Variants in KDM5A observed in about 807,000 individuals in gnomAD.
KDM5A encodes lysine-specific demethylase 5A.
In KDM5A, 42 loss-of-function variants were observed where a neutral mutation model predicts 193.5. The ratio of observed to expected loss-of-function variants is 0.22; its 90% confidence interval spans 0.17 to 0.28. The LOEUF is 0.28. KDM5A is among the 10% of genes least tolerant of loss of function. The probability of loss-of-function intolerance (pLI) is 1.00; values close to 1 mark genes in which losing one functional copy is unlikely to be tolerated. For synonymous variants in KDM5A, 796 were observed against 718.1 expected (o/e 1.11, Z -1.73); for missense variants, 1,692 against 2,055.1 (o/e 0.82, Z 3.42).
At chr12:376,751 G>T (rs1180240598) in intron 3 of KDM5A, among the ~76,000 whole-genome samples, 1 of 152,056 alleles carries the variant, frequency 6.6e-6, no homozygotes, top group Non-Finnish European at 1.5e-5. Context: ...CATACCTAAA[G>T]AACAGTCTTC....
intron 5 of KDM5A, among the ~76,000 whole-genome samples, chr12:359,915 G>A (rs1944274826): frequency 6.6e-6 from 1 of 151,938 alleles, no homozygotes. Flanking sequence ...ATTGAATTTG[G>A]CATAACCATG....
At chr12:335,948 C>T (rs12298843) in intron 10 of KDM5A, among the ~76,000 whole-genome samples, 44,717 of 146,026 alleles carry the variant, frequency 0.31, 6,826 homozygotes, top group East Asian at 0.51. Context: ...GAGGCTGAGG[C>T]AGGAGAATCA....
intron 18 of KDM5A, among the ~76,000 whole-genome samples, chr12:320,003 G>A (rs1435026498): frequency 6.6e-6 from 1 of 152,060 alleles, no homozygotes; most frequent in East Asian, 1.9e-4. Flanking sequence ...AAGTCAAGTC[G>A]AAGAGAAAAC....
chr12:322,302 A>C, intron 17 of KDM5A, 115 bp downstream of exon 17: 1 of 867,074 alleles, frequency 1.2e-6, no homozygotes, highest in Non-Finnish European at 1.9e-6. Flanking sequence ...GAAGCAAGAG[A>C]CATGGCAACA....
chr12:362,336 G>T (rs552609166), intron 5 of KDM5A, among the ~76,000 whole-genome samples: 1 of 152,172 alleles, frequency 6.6e-6, no homozygotes, highest in African/African-American at 2.4e-5. Context: ...ACAGGGGAAG[G>T]GGGGAATCAG....
chr12:383,139 T>C (rs1944595456), intron 3 of KDM5A, among the ~76,000 whole-genome samples: 1 of 152,026 alleles, frequency 6.6e-6, no homozygotes, highest in African/African-American at 2.4e-5. Context: ...TAACACTACA[T>C]ACACGTATTA....
intron 8 of KDM5A, 131 bp downstream of exon 8, chr12:353,945 A>G (rs1944195631): frequency 1.4e-6 from 1 of 727,382 alleles, no homozygotes; most frequent in Non-Finnish European, 2.3e-6. Flanking sequence ...AAGTCCTGGA[A>G]ATTTTAAACA....
intron 3 of KDM5A, among the ~76,000 whole-genome samples, chr12:377,552 T>C (rs917178461): frequency 1.7e-4 from 26 of 151,964 alleles, no homozygotes; most frequent in African/African-American, 5.6e-4. Flanking sequence ...AACAAGACAA[T>C]GGAGTAAAGC....
chr12:325,589 C>T (rs78998485), intron 14 of KDM5A, among the ~76,000 whole-genome samples: 10 of 151,992 alleles, frequency 6.6e-5, no homozygotes, highest in African/African-American at 2.4e-4. Flanking sequence ...CGCAGAATTG[C>T]TTGAACCTGA....
In KDM5A at chr12:281,963, T is replaced by C. The variant is rs1224422950; in HGVS notation, c.*3493A>G. The C allele has an allele frequency of 7.3e-6, 2 of 272,376 alleles. No individual in the cohort carries two copies. The highest frequency in any genetic ancestry group is 1.5e-5 in the Non-Finnish European group (2 of 137,752). The allele number at this position is 272,376 out of a possible 1,614,324, so 16.9% of individuals were successfully genotyped here. A position where few individuals can be genotyped will look rare whatever the true frequency, so the allele number is the denominator to read the frequency against. ...CAGAAGCAAAGCCCAGGCAGAACCATGCTAACCTTACAGCTCAGCCTGCAC... is the reference window on the plus strand; with the variant it reads ...CAGAAGCAAAGCCCAGGCAGAACCACGCTAACCTTACAGCTCAGCCTGCAC... On this transcript the variant is annotated 3_prime_UTR_variant, in exon 28 of 28. Coordinates refer to ENST00000399788, the MANE Select transcript of KDM5A (RefSeq NM_001042603.3).
intron 26 of KDM5A, 50 bp downstream of exon 26, chr12:295,523 C>T: frequency 1.3e-6 from 2 of 1,532,814 alleles, no homozygotes; most frequent in South Asian, 2.2e-5. Flanking sequence ...TCTAAGGAAC[C>T]TAGGCATTCT....
Position 323,095 on chromosome 12 carries a change from G to A in KDM5A, c.2262C>T (p.Phe754=), listed in dbSNP as rs1943739326. Residue 754 remains phenylalanine, a synonymous_variant, in exon 16 of 28, where the codon TTC becomes TTT. Transcript: ENST00000399788. ...SRVTEALSAN[F]NHKKDLIELR... The stretch of plus-strand genomic sequence containing the variant: ...AGGAAATTTAACCTTTTTTGTGGTT[G>A]AAGTTAGCAGACAATGCTTCTGTAA... The A allele has an allele frequency of 6.2e-7, 1 of 1,607,276 alleles. No homozygotes were observed. Among genetic ancestry groups the A allele is most frequent in the Non-Finnish European group, 8.5e-7 (1 of 1,176,592 alleles).
At position 355,207 on chromosome 12, in the gene KDM5A, G is replaced by A. The variant is rs1944216913; in HGVS notation, c.821C>T (p.Ala274Val). The change falls in exon 7 of 28, where the codon GCA (alanine) becomes GTA (valine). Residue 274 changes from alanine (A) to valine (V), a missense_variant. By Grantham distance (64) the Ala-to-Val change is moderately conservative (BLOSUM62 0). Transcript: ENST00000399788. ...CCGTTGTCTCATTTGCATGTTAAAT[G>A]CGTCTGACCTGTTGGTAACTTTTCG... is the stretch of plus-strand genomic sequence containing the variant. Reference protein sequence around the residue: ...RRRKVTNRSDAFNMQMRQRKG... With the variant: ...RRRKVTNRSDVFNMQMRQRKG... 1.9e-6 allele frequency: 3 copies of A among 1,613,040 alleles called. No homozygotes were observed. Among genetic ancestry groups the A allele is most frequent in the Middle Eastern group, 3.3e-4 (2 of 6,060 alleles).
At chr12:346,168 A>G (rs1944072309) in intron 10 of KDM5A, among the ~76,000 whole-genome samples, 1 of 152,224 alleles carries the variant, frequency 6.6e-6, no homozygotes, top group Admixed American at 6.5e-5. Context: ...AAAATCTAGA[A>G]GAAATGGATA....
chr12:365,869 T>G, intron 4 of KDM5A, 65 bp downstream of exon 4: 1 of 1,537,608 alleles, frequency 6.5e-7, no homozygotes, highest in Non-Finnish European at 9.0e-7. Flanking sequence ...TTAAACACAG[T>G]CTAAAGTTTG....
In KDM5A at chr12:283,752, AT is replaced by A. The variant is rs1167946613; in HGVS notation, c.*1703del. 1.3e-5 allele frequency: 3 copies of A among 232,916 alleles called. No individual in the cohort carries two copies. The highest frequency in any genetic ancestry group is 4.4e-5 in the African/African-American group (2 of 45,306). 14.4% of individuals were successfully genotyped at this position (232,916 alleles called of 1,614,324 possible). On this transcript the variant is annotated 3_prime_UTR_variant, in exon 28 of 28. Transcript: ENST00000399788. Reference sequence around the variant, plus strand: ...CTGATGAATTTAAGTCAAACCACAGATTTTTTTAAACCAAAATAAAGACACC... The same window carrying A: ...CTGATGAATTTAAGTCAAACCACAGATTTTTTAAACCAAAATAAAGACACC...
In KDM5A at chr12:286,326, G is replaced by T. The variant is rs555490954; in HGVS notation, c.4867-664C>A. ...AAAATTAAAATCTGAAAAACTGATA[G>T]GTCAGTGGCAGGTGTCAAACTTTGA... is the stretch of plus-strand genomic sequence containing the variant. On this transcript the variant is annotated intron_variant, in intron 27 of 27. Transcript: ENST00000399788. 3 of 372,450 alleles carry T rather than the reference G, an allele frequency of 8.1e-6. No individual in the cohort carries two copies. In the East Asian group the frequency reaches 2.3e-4, roughly 29 times the overall value. 23.1% of individuals were successfully genotyped at this position (372,450 alleles called of 1,614,324 possible). A position where few individuals can be genotyped will look rare whatever the true frequency, so the allele number is the denominator to read the frequency against.
At chr12:338,447 CTA>C (rs1943960616) in intron 10 of KDM5A, among the ~76,000 whole-genome samples, 1 of 152,184 alleles carries the variant, frequency 6.6e-6, no homozygotes, top group African/African-American at 2.4e-5. Context: ...TAAGCACACC[CTA>C]TGTAACCCAC....
chr12:367,738 G>C (rs756128823), intron 3 of KDM5A, among the ~76,000 whole-genome samples: 1 of 149,102 alleles, frequency 6.7e-6, no homozygotes, highest in Non-Finnish European at 1.5e-5. Flanking sequence ...TGGTGTACCT[G>C]TAGTTCCCAG....
Sources: gnomAD v4.1 joint callset for allele counts (sites outside exome capture counted in the v4.1 genomes callset) on GRCh38, gnomAD v4.1.1 for gene constraint, MANE v1.5 for transcripts, NCBI Gene and HGNC (gene_info 2026-07-23, HGNC 2026-07-21) for gene names.